Variants in SRGAP1 observed in about 807,000 individuals in gnomAD.
SRGAP1 encodes the protein SLIT-ROBO Rho GTPase activating protein 1, also known as SLIT-ROBO Rho GTPase-activating protein 1.
Under a neutral mutation model 121.9 loss-of-function variants are expected in SRGAP1, and 43 were observed. The observed-to-expected ratio is 0.35, with a 90% CI of 0.28 to 0.46. The LOEUF is 0.46. SRGAP1 is among the 20% of genes least tolerant of loss of function. The probability of loss-of-function intolerance (pLI) is 1.00; values close to 1 mark genes in which losing one functional copy is unlikely to be tolerated. For missense variants in SRGAP1, 1,102 were observed against 1,350.9 expected (o/e 0.82, Z 2.89); for synonymous variants, 447 against 485.4 (o/e 0.92, Z 1.04).
intron 10 of SRGAP1, among the ~76,000 whole-genome samples, chr12:64,085,005 G>A (rs1270301708): frequency 6.6e-6 from 1 of 152,064 alleles, no homozygotes; most frequent in African/African-American, 2.4e-5. Context: ...TTTCTTCTAG[G>A]ATCTTTCAAA....
intron 1 of SRGAP1, among the ~76,000 whole-genome samples, chr12:63,973,321 T>C (rs2136394596): frequency 6.6e-6 from 1 of 152,338 alleles, no homozygotes; most frequent in East Asian, 1.9e-4. Context: ...TTTGCATAAT[T>C]ACATACTATG....
intron 1 of SRGAP1, among the ~76,000 whole-genome samples, chr12:63,855,560 G>A (rs1899221677): frequency 8.1e-6 from 1 of 123,394 alleles, no homozygotes; most frequent in Admixed American, 1.1e-4. Flanking sequence ...CCATCTCTAT[G>A]GCTCACTGCA....
intron 1 of SRGAP1, among the ~76,000 whole-genome samples, chr12:63,909,394 C>T (rs1034480271): frequency 1.1e-4 from 16 of 152,310 alleles, no homozygotes; most frequent in Middle Eastern, 3.4e-3. Flanking sequence ...TGCTCTATCC[C>T]TTGACCTCCA....
chr12:63,923,581 G>T (rs914784661), intron 1 of SRGAP1, among the ~76,000 whole-genome samples: 1 of 152,116 alleles, frequency 6.6e-6, no homozygotes, highest in South Asian at 2.1e-4. Context: ...AAAATTATCT[G>T]CTTCCGAATG....
At chr12:63,881,930 A>G (rs1048358260) in intron 1 of SRGAP1, among the ~76,000 whole-genome samples, 1 of 152,216 alleles carries the variant, frequency 6.6e-6, no homozygotes, top group African/African-American at 2.4e-5. Flanking sequence ...CTCTAGAAAA[A>G]TAATAAACTA....
intron 1 of SRGAP1, among the ~76,000 whole-genome samples, chr12:63,914,786 G>A (rs538899592): frequency 4.0e-4 from 60 of 151,424 alleles, no homozygotes; most frequent in African/African-American, 1.3e-3. Flanking sequence ...ATTTTTTTCC[G>A]TACTTTTTTT....
At chr12:64,128,577 T>C (rs964918875) in intron 21 of SRGAP1, among the ~76,000 whole-genome samples, 1 of 152,146 alleles carries the variant, frequency 6.6e-6, no homozygotes, top group Non-Finnish European at 1.5e-5. Context: ...TGAAACAGAA[T>C]GGAGAGCCCA....
chr12:64,028,011 T>A (rs2034692113), intron 4 of SRGAP1, among the ~76,000 whole-genome samples: 1 of 152,234 alleles, frequency 6.6e-6, no homozygotes, highest in Non-Finnish European at 1.5e-5. Context: ...ACATGTAATG[T>A]TGAAGCCATG....
chr12:64,040,525 T>G (rs1263515826), intron 4 of SRGAP1, among the ~76,000 whole-genome samples: 5 of 152,170 alleles, frequency 3.3e-5, no homozygotes, highest in African/African-American at 9.7e-5. Flanking sequence ...ACCTTACATG[T>G]GTTGTTTCTT....
intron 1 of SRGAP1, among the ~76,000 whole-genome samples, chr12:63,875,583 C>T (rs932336147): frequency 6.6e-6 from 1 of 152,076 alleles, no homozygotes; most frequent in African/African-American, 2.4e-5. Flanking sequence ...ATTTACAACA[C>T]AACTCAGTAA....
chr12:64,138,235 G>C (rs2136650204), intron 21 of SRGAP1, among the ~76,000 whole-genome samples: 1 of 151,816 alleles, frequency 6.6e-6, no homozygotes, highest in South Asian at 2.1e-4. Flanking sequence ...TTTTGTGACT[G>C]GCTCATTTCA....
intron 1 of SRGAP1, among the ~76,000 whole-genome samples, chr12:63,913,062 C>T (rs2030579600): frequency 6.6e-6 from 1 of 152,030 alleles, no homozygotes; most frequent in South Asian, 2.1e-4. Context: ...CCTCCTCGAT[C>T]TGCCTCTTCT....
intron 7 of SRGAP1, 151 bp downstream of exon 7, chr12:64,063,289 A>T: frequency 1.4e-6 from 1 of 736,976 alleles, no homozygotes; most frequent in Admixed American, 3.0e-5. Context: ...ATTAGTCGCT[A>T]CCGCCTTTTA....
intron 11 of SRGAP1, among the ~76,000 whole-genome samples, chr12:64,088,150 T>C (rs1232118658): frequency 6.6e-6 from 1 of 152,196 alleles, no homozygotes; most frequent in African/African-American, 2.4e-5. Flanking sequence ...AGCTTATTCA[T>C]AAGGAAGCCC....
At chr12:64,004,572 A>G (rs1015854066) in intron 3 of SRGAP1, among the ~76,000 whole-genome samples, 1 of 152,092 alleles carries the variant, frequency 6.6e-6, no homozygotes, top group African/African-American at 2.4e-5. Context: ...GGGTTTCACC[A>G]TGTTGGCCAA....
intron 1 of SRGAP1, among the ~76,000 whole-genome samples, chr12:63,855,291 C>T (rs1273530321): frequency 6.6e-6 from 1 of 152,056 alleles, no homozygotes; most frequent in Non-Finnish European, 1.5e-5. Flanking sequence ...CCAGCCCTTA[C>T]TAGTACACAT....
intron 1 of SRGAP1, among the ~76,000 whole-genome samples, chr12:63,960,157 T>C (rs1379634763): frequency 6.6e-6 from 1 of 152,208 alleles, no homozygotes; most frequent in Non-Finnish European, 1.5e-5. Context: ...AATAGTGGAA[T>C]CCATTTAAGG....
rs548209642 is a variant in SRGAP1, at chr12:63,868,152, G to A, written c.67+23269G>A. Among the ~76,000 whole-genome samples, 312 of 140,090 alleles carry A rather than the reference G, an allele frequency of 2.2e-3. 3 individuals are homozygous for A. Among genetic ancestry groups the A allele is most frequent in the African/African-American group, 7.8e-3 (292 of 37,474 alleles). 91.9% of individuals were successfully genotyped at this position (140,090 alleles called of 152,430 possible). A position where few individuals can be genotyped will look rare whatever the true frequency, so the allele number is the denominator to read the frequency against. On this transcript the variant is annotated intron_variant, in intron 1 of 21. Coordinates refer to ENST00000355086, the MANE Select transcript of SRGAP1 (RefSeq NM_020762.4). The stretch of plus-strand genomic sequence containing the variant: ...GCTGGAGTGCACTGGCACGATCTCG[G>A]CTCACTGCAACCTCCGCCTCCTGGG...
chr12:64,056,829 G>T (rs1029412130), intron 6 of SRGAP1, among the ~76,000 whole-genome samples: 5 of 152,148 alleles, frequency 3.3e-5, no homozygotes, highest in African/African-American at 9.7e-5. Context: ...CTTTTCCAGA[G>T]CATTGCAGGA....
Sources: gnomAD v4.1 joint callset for allele counts (sites outside exome capture counted in the v4.1 genomes callset) on GRCh38, gnomAD v4.1.1 for gene constraint, MANE v1.5 for transcripts, NCBI Gene and HGNC (gene_info 2026-07-23, HGNC 2026-07-21) for gene names.